PCM1: variants seen among roughly 807,000 people sequenced by gnomAD.
The protein encoded by PCM1 is pericentriolar material 1 protein.
A neutral mutation model predicts 241.9 loss-of-function variants in PCM1; 157 were observed. That is an observed-to-expected ratio of 0.65 (90% CI 0.57 to 0.74). PCM1 has a LOEUF of 0.74. PCM1 is among the 30% of genes least tolerant of loss of function. PCM1 has a pLI of 0.00. For synonymous variants in PCM1, 1,085 were observed against 784.9 expected (o/e 1.38, Z -6.39); for missense variants, 3,478 against 2,360.1 (o/e 1.47, Z -9.81).
chr8:18,018,084 T>A (rs1172694121), intron 36 of PCM1, among the ~76,000 whole-genome samples: 1 of 152,220 alleles, frequency 6.6e-6, no homozygotes, highest in Non-Finnish European at 1.5e-5. Flanking sequence ...ATATTTCACG[T>A]TTCCAATCAA....
At chr8:17,985,264 A>G (rs2082221468) in intron 24 of PCM1, among the ~76,000 whole-genome samples, 183 bp from the exon 25 acceptor site, 1 of 151,772 alleles carries the variant, frequency 6.6e-6, no homozygotes, top group South Asian at 2.1e-4. Flanking sequence ...ATATCTTGAT[A>G]TTTTAAGATT....
intron 23 of PCM1, among the ~76,000 whole-genome samples, chr8:17,974,037 T>C (rs943885254): frequency 6.6e-6 from 1 of 152,200 alleles, no homozygotes; most frequent in African/African-American, 2.4e-5. Flanking sequence ...GAACCCCATG[T>C]GAAGAATCTG....
At chr8:18,006,425 C>G (rs755328739) in intron 30 of PCM1, 28 bp downstream of exon 30, 12 of 1,528,020 alleles carry the variant, frequency 7.9e-6, no homozygotes, top group Admixed American at 3.4e-5. Flanking sequence ...TATGATTTAC[C>G]AATATGTACT....
At chr8:17,953,227 C>A in intron 9 of PCM1, 41 bp downstream of exon 9, 1 of 1,021,180 alleles carries the variant, frequency 9.8e-7, no homozygotes, top group Non-Finnish European at 1.5e-6. Flanking sequence ...ATAAGACACA[C>A]AAGTATATAT....
chr8:17,989,848 C>A lies in PCM1; in HGVS notation c.4411-11C>A, dbSNP rs1452703186. 1.3e-6 allele frequency: 2 copies of A among 1,514,476 alleles called. No homozygotes were observed. Among genetic ancestry groups the A allele is most frequent in the Non-Finnish European group, 1.8e-6 (2 of 1,121,090 alleles). 93.8% of individuals were successfully genotyped at this position (1,514,476 alleles called of 1,614,324 possible). The stretch of plus-strand genomic sequence containing the variant: ...GTATTAGTGATTTTTGTTTGTTTTA[C>A]TGTAACTTAGGAAACTTTTGAGAAG... On this transcript the variant is annotated splice_polypyrimidine_tract_variant and intron_variant, in intron 26 of 38. Coordinates refer to ENST00000325083, the MANE Select transcript of PCM1 (RefSeq NM_006197.4).
intron 29 of PCM1, among the ~76,000 whole-genome samples, chr8:18,003,316 C>G (rs1435701247): frequency 6.6e-6 from 1 of 152,212 alleles, no homozygotes; most frequent in Non-Finnish European, 1.5e-5. Context: ...GTGAAAACAA[C>G]TGGCCCATAG....
intron 13 of PCM1, among the ~76,000 whole-genome samples, 197 bp from the exon 14 acceptor site, chr8:17,959,817 G>A (rs755703265): frequency 5.3e-5 from 8 of 152,104 alleles, no homozygotes; most frequent in Non-Finnish European, 1.0e-4. Flanking sequence ...TTATTGAGGT[G>A]AGATAAACAT....
intron 22 of PCM1, among the ~76,000 whole-genome samples, chr8:17,971,373 T>C (rs553418729): frequency 3.6e-4 from 55 of 152,286 alleles, no homozygotes; most frequent in African/African-American, 1.3e-3. Flanking sequence ...ACTACCACTT[T>C]TAAGAGATTT....
intron 29 of PCM1, among the ~76,000 whole-genome samples, chr8:17,999,888 C>A (rs1266585408): frequency 6.6e-6 from 1 of 151,952 alleles, no homozygotes. Flanking sequence ...TTATAAAATG[C>A]CTACTTAATG....
chr8:17,942,925 A>G (rs2129451640), intron 6 of PCM1, among the ~76,000 whole-genome samples: 1 of 150,374 alleles, frequency 6.7e-6, no homozygotes, highest in Admixed American at 6.7e-5. Context: ...TGAACCCTGG[A>G]GGCGGAGGTT....
In PCM1 at chr8:18,028,725, A is replaced by G. The variant is rs1272255979; in HGVS notation, c.*1063A>G. On this transcript the variant is annotated 3_prime_UTR_variant, in exon 39 of 39. Coordinates refer to ENST00000325083, the MANE Select transcript of PCM1 (RefSeq NM_006197.4). Reference sequence around the variant, plus strand: ...TAAGGCTTCAAAAAACCAGTCAACAATGAGTAAGTCAATCTTATAGATTCT... The same window carrying G: ...TAAGGCTTCAAAAAACCAGTCAACAGTGAGTAAGTCAATCTTATAGATTCT... The G allele has an allele frequency of 1.5e-5, 3 of 200,060 alleles. No homozygotes were observed. Among genetic ancestry groups the G allele is most frequent in the East Asian group, 7.7e-5 (1 of 12,944 alleles). 12.4% of individuals were successfully genotyped at this position (200,060 alleles called of 1,614,324 possible). A position where few individuals can be genotyped will look rare whatever the true frequency, so the allele number is the denominator to read the frequency against.
intron 21 of PCM1, chr8:17,969,277 A>C (rs1190672044): frequency 4.4e-6 from 1 of 227,856 alleles, no homozygotes; most frequent in African/African-American, 2.3e-5. Flanking sequence ...AAACCAAGTA[A>C]CATGTAAAGT....
At chr8:17,940,014 T>G (rs766304615) in intron 6 of PCM1, 153 bp downstream of exon 6, 5 of 1,416,038 alleles carry the variant, frequency 3.5e-6, no homozygotes, top group Non-Finnish European at 4.8e-6. Flanking sequence ...TTAATAGTTG[T>G]ATGATTTATA....
intron 26 of PCM1, among the ~76,000 whole-genome samples, chr8:17,987,286 T>C (rs1464683059): frequency 6.6e-6 from 1 of 151,848 alleles, no homozygotes; most frequent in East Asian, 1.9e-4. Flanking sequence ...TGTTAAATTA[T>C]ATTAAGGTTT....
intron 15 of PCM1, 54 bp downstream of exon 15, chr8:17,960,498 G>C: frequency 7.1e-7 from 1 of 1,402,834 alleles, no homozygotes; most frequent in Admixed American, 2.3e-5. Flanking sequence ...AAAACCTTAG[G>C]TCAACTGAAA....
Position 18,027,905 on chromosome 8 carries a change from T to TC in PCM1, c.*247dup. Reference sequence around the variant, plus strand: ...CTTCTTTTTTGGGTCTTCATTTTTTTCCCCATTGTGATGTTTGGTAACGAA... The same window carrying TC: ...CTTCTTTTTTGGGTCTTCATTTTTTTCCCCCATTGTGATGTTTGGTAACGAA... On this transcript the variant is annotated 3_prime_UTR_variant, in exon 39 of 39. Transcript: ENST00000325083. The TC allele has an allele frequency of 2.6e-6, 1 of 384,056 alleles. No individual in the cohort carries two copies. Among genetic ancestry groups the TC allele is most frequent in the Non-Finnish European group, 4.6e-6 (1 of 215,976 alleles). The allele number at this position is 384,056 out of a possible 1,614,324, so 23.8% of individuals were successfully genotyped here. A position where few individuals can be genotyped will look rare whatever the true frequency, so the allele number is the denominator to read the frequency against.
intron 3 of PCM1, 87 bp downstream of exon 3, chr8:17,935,793 C>A (rs767351649): frequency 1.0e-5 from 7 of 695,824 alleles, no homozygotes; most frequent in Non-Finnish European, 1.9e-5. Context: ...CTCACTGATG[C>A]TCTTTGTATA....
intron 21 of PCM1, 135 bp downstream of exon 21, chr8:17,967,305 C>CTTTTTT (rs71304948): frequency 1.9e-6 from 1 of 515,044 alleles, no homozygotes; most frequent in Non-Finnish European, 3.3e-6. Context: ...GTTACAAACT[C>CTTTTTT]TTTTTTTTTT....
At chr8:18,020,378 G>T (rs2129487801) in intron 36 of PCM1, among the ~76,000 whole-genome samples, 1 of 152,292 alleles carries the variant, frequency 6.6e-6, no homozygotes, top group South Asian at 2.1e-4. Context: ...GCAGTTGAAA[G>T]CTCATTACCT....
Sources: allele counts gnomAD v4.1 joint callset (sites outside exome capture counted in the v4.1 genomes callset), GRCh38; gene constraint gnomAD v4.1.1; transcripts MANE v1.5; gene names NCBI Gene and HGNC (gene_info 2026-07-23, HGNC 2026-07-21).